Variants in TMEM143 observed in about 807,000 individuals in gnomAD.
TMEM143 encodes the protein transmembrane protein 143.
In TMEM143, 45 loss-of-function variants were observed where a neutral mutation model predicts 40.3. The observed-to-expected ratio is 1.12, with a 90% CI of 0.88 to 1.43. The LOEUF is 1.43. TMEM143 is among the 40% of genes most tolerant of loss of function. TMEM143 has a pLI of 0.00. For missense variants in TMEM143, 620 were observed against 613.4 expected (o/e 1.01, Z -0.11); for synonymous variants, 299 against 282.7 (o/e 1.06, Z -0.58).
Position 48,356,891 on chromosome 19 carries a change from G to T in TMEM143, c.369+3181C>A, listed in dbSNP as rs535642866. Reference sequence around the variant, plus strand: ...TTACAGGCGTGAGCCACAGCACCTGGCCTTTTTTTTTTTTTTTTTTTTTTT... The same window carrying T: ...TTACAGGCGTGAGCCACAGCACCTGTCCTTTTTTTTTTTTTTTTTTTTTTT... On this transcript the variant is annotated intron_variant, in intron 3 of 7. Transcript: ENST00000293261. 3.5e-4 allele frequency among the ~76,000 whole-genome samples: 43 copies of T among 123,078 alleles called. 1 individual carries two copies. The Admixed American group carries it at 4.0e-3, about 11-fold the overall frequency. The allele number at this position is 123,078 out of a possible 152,430, so 80.7% of individuals were successfully genotyped here.
intron 2 of TMEM143, 45 bp downstream of exon 2, chr19:48,363,246 T>A (rs73049223): frequency 1.3e-6 from 2 of 1,568,276 alleles, no homozygotes; most frequent in Non-Finnish European, 1.7e-6. Context: ...CGAAGCCTGC[T>A]GGGAGCCGTA....
At chr19:48,335,974 G>C (rs1969357754) in intron 6 of TMEM143, among the ~76,000 whole-genome samples, 1 of 152,188 alleles carries the variant, frequency 6.6e-6, no homozygotes, top group Non-Finnish European at 1.5e-5. Flanking sequence ...GGGCCCAGCT[G>C]TCTACTGGCT....
At chr19:48,337,952 G>A (rs1276945080) in intron 6 of TMEM143, among the ~76,000 whole-genome samples, 1 of 152,186 alleles carries the variant, frequency 6.6e-6, no homozygotes, top group Non-Finnish European at 1.5e-5. Context: ...CTAGTTAAAG[G>A]AGCAGGTCAC....
Position 48,345,152 on chromosome 19 carries a change from C to A in TMEM143, c.564+8G>T. 2 of 1,611,852 alleles carry A rather than the reference C, an allele frequency of 1.2e-6. No homozygotes were observed. Among genetic ancestry groups the A allele is most frequent in the Non-Finnish European group, 1.7e-6 (2 of 1,178,912 alleles). On this transcript the variant is annotated splice_region_variant and intron_variant, in intron 4 of 7. Coordinates refer to ENST00000293261, the MANE Select transcript of TMEM143 (RefSeq NM_018273.4). ...CTGGGAGTTTTGTTCTCCTAGGGAGCCAAGTACCTGGACCTCATCCTGAGG... is the reference window on the plus strand; with the variant it reads ...CTGGGAGTTTTGTTCTCCTAGGGAGACAAGTACCTGGACCTCATCCTGAGG...
rs548897789 is a variant in TMEM143, at chr19:48,342,641, G to A, written c.864C>T (p.Ser288=). ...CCACGTTGACGAAGATCGCCACGCC[G>A]GAGACTACCAGCATGAGGTTGAGCA... ...RALLNLMLVV[S]GVAIFVNVGM... is the part of the protein sequence containing the mutation. The change falls in exon 6 of 8, where the codon TCC becomes TCT. Residue 288 remains serine, a synonymous_variant. Coordinates refer to ENST00000293261, the MANE Select transcript of TMEM143 (RefSeq NM_018273.4). 2.2e-5 allele frequency: 36 copies of A among 1,614,014 alleles called. No homozygotes were observed. Among genetic ancestry groups the A allele is most frequent in the Middle Eastern group, 3.3e-4 (2 of 6,062 alleles).
At chr19:48,341,180 A>G (rs984862782) in intron 6 of TMEM143, among the ~76,000 whole-genome samples, 2 of 152,148 alleles carry the variant, frequency 1.3e-5, no homozygotes, top group South Asian at 4.1e-4. Flanking sequence ...GCCGGTGCCA[A>G]CCCTGGGAAG....
chr19:48,344,216 C>A (rs771155431), intron 4 of TMEM143, among the ~76,000 whole-genome samples: 27 of 151,734 alleles, frequency 1.8e-4, no homozygotes, highest in Non-Finnish European at 2.8e-4. Flanking sequence ...ATTTTGTTAG[C>A]ATTTTGCGTG....
At chr19:48,363,679 C>G (rs1168254596) in intron 1 of TMEM143, 148 bp from the exon 2 acceptor site, 1 of 1,387,922 alleles carries the variant, frequency 7.2e-7, no homozygotes, top group East Asian at 2.5e-5. Flanking sequence ...TTGCCTGTCC[C>G]CTTCCCACAC....
At chr19:48,344,732 G>A (rs1248561248) in intron 4 of TMEM143, among the ~76,000 whole-genome samples, 1 of 151,880 alleles carries the variant, frequency 6.6e-6, no homozygotes, top group Non-Finnish European at 1.5e-5. Context: ...TCCAGATGGA[G>A]TTTCACTCTT....
intron 2 of TMEM143, among the ~76,000 whole-genome samples, chr19:48,363,003 G>A (rs1318323056): frequency 6.6e-6 from 1 of 152,194 alleles, no homozygotes; most frequent in African/African-American, 2.4e-5. Context: ...GTAATGATGA[G>A]GATGATTACT....
At chr19:48,343,804 A>C (rs1343684507) in intron 4 of TMEM143, among the ~76,000 whole-genome samples, 1 of 152,242 alleles carries the variant, frequency 6.6e-6, no homozygotes, top group Non-Finnish European at 1.5e-5. Flanking sequence ...AGAGATGACA[A>C]AACATGACTT....
intron 2 of TMEM143, 121 bp downstream of exon 2, chr19:48,363,170 C>G: frequency 1.5e-6 from 2 of 1,372,310 alleles, no homozygotes; most frequent in Non-Finnish European, 1.9e-6. Flanking sequence ...CACGAAGGGA[C>G]CCGGGAACTA....
At chr19:48,338,493 C>T (rs1253531470) in intron 6 of TMEM143, among the ~76,000 whole-genome samples, 7 of 152,244 alleles carry the variant, frequency 4.6e-5, no homozygotes, top group Admixed American at 4.6e-4. Flanking sequence ...ACAGGTCCTG[C>T]TCTCTCAGGC....
At position 48,358,940 on chromosome 19, in the gene TMEM143, G is replaced by A. The variant is rs537216274; in HGVS notation, c.369+1132C>T. On this transcript the variant is annotated intron_variant, in intron 3 of 7. Coordinates refer to ENST00000293261, the MANE Select transcript of TMEM143 (RefSeq NM_018273.4). The stretch of plus-strand genomic sequence containing the variant: ...TCCCAACACTTTGGGAGGCCAAGGC[G>A]GGTGGATCACTTGAGGTCAGGAATT... Among the ~76,000 whole-genome samples the A allele has an allele frequency of 2.6e-5, 4 of 152,236 alleles. No homozygotes were observed. The East Asian group carries it at 7.7e-4, about 29-fold the overall frequency.
chr19:48,360,556 C>A (rs1351385327), intron 2 of TMEM143: 13 of 165,658 alleles, frequency 7.8e-5, no homozygotes, highest in South Asian at 5.5e-4. Flanking sequence ...CCAGACTAGA[C>A]AACATCAAGA....
In TMEM143 at chr19:48,332,987, A is replaced by G. The variant is rs1398607619; in HGVS notation, c.*232T>C. 2.6e-6 allele frequency: 1 copy of G among 379,578 alleles called. No homozygotes were observed. The highest frequency in any genetic ancestry group is 2.1e-5 in the African/African-American group (1 of 48,456). 23.5% of individuals were successfully genotyped at this position (379,578 alleles called of 1,614,324 possible). On this transcript the variant is annotated 3_prime_UTR_variant, in exon 8 of 8. Coordinates refer to ENST00000293261, the MANE Select transcript of TMEM143 (RefSeq NM_018273.4). ...GGGTGGGACTAAGAAATGGAACAGA[A>G]GCAGAGCTAAATCGCTTTGATTGGC...
At chr19:48,360,311 T>C (rs1463978459) in intron 2 of TMEM143, 135 bp from the exon 3 acceptor site, 10 of 833,066 alleles carry the variant, frequency 1.2e-5, no homozygotes, top group Non-Finnish European at 1.9e-5. Context: ...GGGCGCAGTG[T>C]CTCGCACCTG....
At chr19:48,362,742 G>A (rs1970078965) in intron 2 of TMEM143, among the ~76,000 whole-genome samples, 1 of 152,156 alleles carries the variant, frequency 6.6e-6, no homozygotes, top group South Asian at 2.1e-4. Flanking sequence ...GCCAGCTCTG[G>A]AGTCAGACCA....
At position 48,363,412 on chromosome 19, in the gene TMEM143, GCCAGCGATGAGAGGGC is replaced by G; in HGVS notation, c.127_142del (p.Ala43GlnfsTer39). The stretch of plus-strand genomic sequence containing the variant: ...CTTGCGATACTCCCCCATTTTGGCT[GCCAGCGATGAGAGGGC>G]CCGGGGGGGCCCGAGGAGCGCGGGC... On this transcript the variant is annotated frameshift_variant, in exon 2 of 8. Transcript: ENST00000293261. LOFTEE classifies it high-confidence loss of function. The G allele has an allele frequency of 6.2e-7, 1 of 1,614,186 alleles. No homozygotes were observed. The highest frequency in any genetic ancestry group is 8.5e-7 in the Non-Finnish European group (1 of 1,180,034).
Sources: gnomAD v4.1 joint callset for allele counts (sites outside exome capture counted in the v4.1 genomes callset) on GRCh38, gnomAD v4.1.1 for gene constraint, MANE v1.5 for transcripts, NCBI Gene and HGNC (gene_info 2026-07-23, HGNC 2026-07-21) for gene names.